Variants in PIK3AP1 observed in about 807,000 individuals in gnomAD.
PIK3AP1 encodes the protein phosphoinositide-3-kinase adaptor protein 1.
A neutral mutation model predicts 88.1 loss-of-function variants in PIK3AP1; 21 were observed. The observed-to-expected ratio is 0.24, with a 90% CI of 0.17 to 0.34. PIK3AP1 has a LOEUF of 0.34. PIK3AP1 is among the 10% of genes least tolerant of loss of function. The pLI, the probability that PIK3AP1 is intolerant of heterozygous loss-of-function variation, is 1.00. For missense variants in PIK3AP1, 828 were observed against 1,035.7 expected, an observed-to-expected ratio of 0.80 and a Z score of 2.75; for synonymous variants, 398 against 400.0, an observed-to-expected ratio of 1.00 and a Z score of 0.06.
chr10:96,628,905 T>TAC (rs1564961323), intron 8 of PIK3AP1, among the ~76,000 whole-genome samples: 3 of 13,022 alleles, frequency 2.3e-4, no homozygotes, highest in African/African-American at 4.9e-4. Context: ...TATATATATA[T>TAC]ATGTGTATAT....
intron 15 of PIK3AP1, among the ~76,000 whole-genome samples, chr10:96,603,570 C>G (rs111531846): frequency 6.6e-6 from 1 of 151,948 alleles, no homozygotes; most frequent in Non-Finnish European, 1.5e-5. Context: ...CACTGGACTC[C>G]AAGTTCTCCA....
chr10:96,633,104 C>A (rs900560346), intron 8 of PIK3AP1: 1 of 1,528,932 alleles, frequency 6.5e-7, no homozygotes, highest in Admixed American at 2.0e-5. Flanking sequence ...AGAGGCGGAG[C>A]TTCCAGGGTC....
At chr10:96,678,649 G>T (rs767693962) in intron 2 of PIK3AP1, among the ~76,000 whole-genome samples, 2 of 152,052 alleles carry the variant, frequency 1.3e-5, no homozygotes, top group Non-Finnish European at 2.9e-5. Flanking sequence ...GGGAGCATGG[G>T]TTAAAACAGG....
intron 2 of PIK3AP1, among the ~76,000 whole-genome samples, chr10:96,672,070 T>C (rs976463366): frequency 1.3e-5 from 2 of 152,092 alleles, no homozygotes; most frequent in Non-Finnish European, 2.9e-5. Context: ...ACAGTCATGG[T>C]GGTCACACTG....
Position 96,720,353 on chromosome 10 carries a change from C to A in PIK3AP1, c.13+29G>T. 1 of 1,242,548 alleles carries A rather than the reference C, an allele frequency of 8.0e-7. No individual in the cohort carries two copies. The highest frequency in any genetic ancestry group is 1.0e-6 in the Non-Finnish European group (1 of 987,750). 77.0% of individuals were successfully genotyped at this position (1,242,548 alleles called of 1,614,324 possible). On this transcript the variant is annotated intron_variant, in intron 1 of 16. Transcript: ENST00000339364. This position sits in a 1 kb window ranked among gnomAD's most constrained non-coding sequence, Gnocchi z 4.6. ...GGGGTACGAGAGAGGGGCCGGGAGCCCGGGGACCCGCGGCGCCTGCCTACC... is the reference window on the plus strand; with the variant it reads ...GGGGTACGAGAGAGGGGCCGGGAGCACGGGGACCCGCGGCGCCTGCCTACC...
At chr10:96,644,076 C>G (rs1200965629) in intron 8 of PIK3AP1, among the ~76,000 whole-genome samples, 3 of 152,200 alleles carry the variant, frequency 2.0e-5, no homozygotes, top group Admixed American at 2.0e-4. Context: ...GCGTGGAGAT[C>G]AGATCCACTG....
Position 96,616,688 on chromosome 10 carries a change from G to C in PIK3AP1, c.1965C>G (p.Asp655Glu), listed in dbSNP as rs773311496. ...TCTCTCTCTGTCTTCGGGTGATGCT[G>C]TCTCTTAGCCGTTTAAGATTTTCCT... Reference protein sequence around the residue: ...FQQENLKRLRDSITRRQREKQ... With the variant: ...FQQENLKRLRESITRRQREKQ... The change falls in exon 13 of 17, where the codon GAC (aspartate) becomes GAG (glutamate). Residue 655 changes from aspartate to glutamate, a missense_variant. Around this residue, in one of 3 missense-constraint regions of PIK3AP1, gnomAD observed 191 missense variants for 208.6 expected, o/e 0.92. Coordinates refer to ENST00000339364, the MANE Select transcript of PIK3AP1 (RefSeq NM_152309.3). 16 of 1,614,026 alleles carry C rather than the reference G, an allele frequency of 9.9e-6. No homozygotes were observed. Among genetic ancestry groups the C allele is most frequent in the Admixed American group, 1.7e-5 (1 of 60,000 alleles).
At chr10:96,653,340 G>T (rs1843568070) in intron 3 of PIK3AP1, among the ~76,000 whole-genome samples, 1 of 149,464 alleles carries the variant, frequency 6.7e-6, no homozygotes, top group South Asian at 2.1e-4. Flanking sequence ...AGGAGGCAGA[G>T]GTTGCAGTGA....
intron 1 of PIK3AP1, among the ~76,000 whole-genome samples, chr10:96,715,690 ACCAT>A (rs989811533): frequency 3.3e-5 from 5 of 152,132 alleles, no homozygotes; most frequent in African/African-American, 1.2e-4. Context: ...GGAGATCGAG[ACCAT>A]CCTGGCTAAC....
At chr10:96,719,974 C>T (rs917989791) in intron 1 of PIK3AP1, among the ~76,000 whole-genome samples, 3 of 152,218 alleles carry the variant, frequency 2.0e-5, no homozygotes, top group African/African-American at 7.2e-5. Context: ...CTGAGCGCCC[C>T]CTGTGGGTCC....
At chr10:96,639,406 T>C (rs956171088) in intron 8 of PIK3AP1, among the ~76,000 whole-genome samples, 3 of 152,090 alleles carry the variant, frequency 2.0e-5, no homozygotes, top group African/African-American at 7.2e-5. Context: ...GAGAAGCACG[T>C]ATATAACTAG....
At chr10:96,683,091 A>T (rs1844024312) in intron 2 of PIK3AP1, among the ~76,000 whole-genome samples, 1 of 152,218 alleles carries the variant, frequency 6.6e-6, no homozygotes, top group Non-Finnish European at 1.5e-5. Flanking sequence ...AAAACTTAAA[A>T]GGTGCCCTGA....
intron 2 of PIK3AP1, among the ~76,000 whole-genome samples, chr10:96,661,754 G>A (rs1589522747): frequency 6.6e-6 from 1 of 151,920 alleles, no homozygotes; most frequent in Non-Finnish European, 1.5e-5. Context: ...TCCAGCCTGG[G>A]AGACAGAGCG....
chr10:96,698,032 A>G (rs1844245147), intron 2 of PIK3AP1, among the ~76,000 whole-genome samples: 1 of 152,168 alleles, frequency 6.6e-6, no homozygotes, highest in Non-Finnish European at 1.5e-5. Flanking sequence ...TGAGGTCTGG[A>G]TGGTATTCCA....
In PIK3AP1 at chr10:96,648,745, C is replaced by T. The variant is rs564621240; in HGVS notation, c.1099G>A (p.Val367Met). 5.0e-6 allele frequency: 8 copies of T among 1,610,992 alleles called. No individual in the cohort carries two copies. The highest frequency in any genetic ancestry group is 2.7e-5 in the African/African-American group (2 of 74,914). ...GGGTAGTGGCCATGCTTGTTGGCCACGCTGTACGCCTGCAGGGCTCCTGGG... is the reference window on the plus strand; with the variant it reads ...GGGTAGTGGCCATGCTTGTTGGCCATGCTGTACGCCTGCAGGGCTCCTGGG... Reference protein sequence around the residue: ...TCPGALQAYSVANKHGHYPNT... With the variant: ...TCPGALQAYSMANKHGHYPNT... Residue 367 changes from valine (V) to methionine (M), a missense_variant, in exon 7 of 17, where the codon GTG (valine) becomes ATG (methionine). Physicochemically the swap from Val to Met is conservative, Grantham distance 21 (BLOSUM62 1). Transcript: ENST00000339364.
chr10:96,652,325 G>A (rs539229022), intron 4 of PIK3AP1, among the ~76,000 whole-genome samples: 1 of 152,152 alleles, frequency 6.6e-6, no homozygotes, highest in Non-Finnish European at 1.5e-5. Context: ...CTGTAATCCA[G>A]CATTTTGGGA....
intron 14 of PIK3AP1, among the ~76,000 whole-genome samples, chr10:96,607,179 C>A (rs1047808778): frequency 7.9e-5 from 12 of 152,090 alleles, no homozygotes; most frequent in African/African-American, 2.7e-4. Context: ...GGTGGATAAG[C>A]TGGGCCATCC....
At chr10:96,714,710 A>T (rs1844480347) in intron 1 of PIK3AP1, among the ~76,000 whole-genome samples, 1 of 152,268 alleles carries the variant, frequency 6.6e-6, no homozygotes, top group Non-Finnish European at 1.5e-5. Flanking sequence ...AATGACAGGC[A>T]TATGTCAAAG....
intron 13 of PIK3AP1, among the ~76,000 whole-genome samples, chr10:96,616,070 G>A (rs1267641937): frequency 2.0e-5 from 3 of 152,192 alleles, no homozygotes; most frequent in African/African-American, 7.2e-5. Flanking sequence ...TTGCTCAAGG[G>A]TGGTGATGCC....
Sources: gnomAD v4.1 joint callset for allele counts (sites outside exome capture counted in the v4.1 genomes callset) on GRCh38, gnomAD v4.1.1 for gene constraint, gnomAD v4.1.1 regional missense constraint, Gnocchi (gnomAD v3.1) non-coding constraint, MANE v1.5 for transcripts, NCBI Gene and HGNC (gene_info 2026-07-23, HGNC 2026-07-21) for gene names.